The following SIK2 variants were observed in gnomAD, a reference collection of about 807,000 sequenced individuals.
SIK2 encodes the protein salt inducible kinase 2.
In SIK2, 29 loss-of-function variants were observed where a neutral mutation model predicts 103.2. The observed-to-expected ratio is 0.28, with a 90% CI of 0.21 to 0.38. The LOEUF (loss-of-function observed/expected upper bound fraction) is 0.38, where lower values mean the gene tolerates loss of function less well. Ranked by LOEUF, SIK2 falls within the 10% of genes least tolerant of loss-of-function variation. SIK2 has a pLI of 1.00. For missense variants in SIK2, 879 were observed against 1,171.0 expected, an observed-to-expected ratio of 0.75 and a Z score of 3.64; for synonymous variants, 412 against 446.1, an observed-to-expected ratio of 0.92 and a Z score of 0.96.
chr11:111,671,340 C>A, intron 3 of SIK2: 1 of 234,470 alleles, frequency 4.3e-6, no homozygotes, highest in Non-Finnish European at 8.6e-6. Flanking sequence ...CGGCCTCCAG[C>A]TCCACCAGCT....
chr11:111,712,714 T>C (rs1331151908), intron 9 of SIK2, among the ~76,000 whole-genome samples: 1 of 152,224 alleles, frequency 6.6e-6, no homozygotes, highest in Non-Finnish European at 1.5e-5. Context: ...CCTAACAAAT[T>C]AATGCTGAAA....
At chr11:111,667,696 T>TTGGCCAGGC (rs1942565543) in intron 3 of SIK2, among the ~76,000 whole-genome samples, 1 of 152,070 alleles carries the variant, frequency 6.6e-6, no homozygotes, top group South Asian at 2.1e-4. Flanking sequence ...TTTCACCATG[T>TTGGCCAGGC]TGGCCAGGCT....
At chr11:111,656,744 T>A (rs1942396827) in intron 3 of SIK2, among the ~76,000 whole-genome samples, 1 of 152,238 alleles carries the variant, frequency 6.6e-6, no homozygotes, top group African/African-American at 2.4e-5. Context: ...AATTATGCTA[T>A]GGAATTCTTA....
At chr11:111,620,126 G>T (rs563694042) in intron 2 of SIK2, among the ~76,000 whole-genome samples, 1 of 152,248 alleles carries the variant, frequency 6.6e-6, no homozygotes, top group African/African-American at 2.4e-5. Context: ...ACTACTGCTG[G>T]TCCAAGGACC....
At chr11:111,663,355 T>C (rs891481560) in intron 3 of SIK2, among the ~76,000 whole-genome samples, 1 of 152,014 alleles carries the variant, frequency 6.6e-6, no homozygotes, top group African/African-American at 2.4e-5. Context: ...GAAAGCAATG[T>C]GGATATCTAA....
intron 9 of SIK2, among the ~76,000 whole-genome samples, chr11:111,713,146 CAG>C (rs1218529787): frequency 6.6e-6 from 1 of 152,094 alleles, no homozygotes; most frequent in Admixed American, 6.5e-5. Flanking sequence ...GCCTGGGTGA[CAG>C]AGTGAGACTC....
chr11:111,717,991 G>C (rs1943694953), intron 9 of SIK2, among the ~76,000 whole-genome samples: 1 of 152,092 alleles, frequency 6.6e-6, no homozygotes, highest in Admixed American at 6.5e-5. Context: ...GTGATAGGTT[G>C]ACAGGTGCAG....
chr11:111,724,158 G>T lies in SIK2; in HGVS notation c.*29G>T, dbSNP rs761962168. On this transcript the variant is annotated 3_prime_UTR_variant, in exon 15 of 15. Transcript: ENST00000304987. ...CAGCACAGGAATTGAGGTGGGTCAG[G>T]TGAAGGAAGAGTGTATGTTCCTATT... 1 of 1,589,820 alleles carries T rather than the reference G, an allele frequency of 6.3e-7. No homozygotes were observed. The highest frequency in any genetic ancestry group is 1.3e-5 in the African/African-American group (1 of 74,590).
chr11:111,712,657 T>C (rs1943533306), intron 9 of SIK2, among the ~76,000 whole-genome samples: 1 of 152,204 alleles, frequency 6.6e-6, no homozygotes, highest in Non-Finnish European at 1.5e-5. Flanking sequence ...TCTTCAAGTT[T>C]CCAGATCTCT....
At chr11:111,708,331 G>A (rs899198893) in intron 8 of SIK2, among the ~76,000 whole-genome samples, 2 of 152,060 alleles carry the variant, frequency 1.3e-5, no homozygotes, top group African/African-American at 4.8e-5. Context: ...GCAGTGAGCC[G>A]AGATGACACC....
chr11:111,625,304 G>T (rs921217708), intron 3 of SIK2, among the ~76,000 whole-genome samples: 2 of 152,178 alleles, frequency 1.3e-5, no homozygotes, highest in Non-Finnish European at 2.9e-5. Context: ...TGTTGGAGTA[G>T]TTCCAGTGAG....
chr11:111,633,583 TACTA>T (rs1942066684), intron 3 of SIK2, among the ~76,000 whole-genome samples: 1 of 152,162 alleles, frequency 6.6e-6, no homozygotes, highest in Admixed American at 6.6e-5. Flanking sequence ...AACGAGGAAA[TACTA>T]ACTGAATCAA....
intron 3 of SIK2, among the ~76,000 whole-genome samples, chr11:111,655,338 A>AG (rs1427930067): frequency 6.6e-6 from 1 of 152,204 alleles, no homozygotes; most frequent in Non-Finnish European, 1.5e-5. Flanking sequence ...CAGGAGGCGG[A>AG]GGTTGCAGTG....
intron 3 of SIK2, among the ~76,000 whole-genome samples, chr11:111,663,053 C>G (rs1942488274): frequency 6.6e-6 from 1 of 151,590 alleles, no homozygotes; most frequent in Admixed American, 6.6e-5. Flanking sequence ...GGCAACATGG[C>G]AAAACCCCAT....
intron 4 of SIK2, among the ~76,000 whole-genome samples, chr11:111,695,165 A>G (rs1452215713): frequency 6.6e-6 from 1 of 152,194 alleles, no homozygotes; most frequent in Non-Finnish European, 1.5e-5. Context: ...CACTCCTATT[A>G]TAATTACAAA....
At chr11:111,700,126 T>G (rs142752246) in intron 4 of SIK2, among the ~76,000 whole-genome samples, 51 of 152,344 alleles carry the variant, frequency 3.3e-4, no homozygotes, top group African/African-American at 1.2e-3. Flanking sequence ...TTACTAAATT[T>G]TTTAATGCAT....
At chr11:111,631,970 T>G (rs1306356603) in intron 3 of SIK2, among the ~76,000 whole-genome samples, 36 of 152,174 alleles carry the variant, frequency 2.4e-4, no homozygotes, top group Admixed American at 2.4e-3. Flanking sequence ...ATATTGTACC[T>G]CATTCCACAA....
At chr11:111,663,609 T>C (rs6589244) in intron 3 of SIK2, among the ~76,000 whole-genome samples, 97,487 of 151,940 alleles carry the variant, frequency 0.64, 33,356 homozygotes, top group East Asian at 0.96. Flanking sequence ...AGTGGTTACT[T>C]TGACTTCTGT....
At chr11:111,669,680 A>G (rs1357703336) in intron 3 of SIK2, among the ~76,000 whole-genome samples, 4 of 152,146 alleles carry the variant, frequency 2.6e-5, no homozygotes, top group African/African-American at 9.7e-5. Flanking sequence ...TAAACAAGCA[A>G]TTAGGTTGTT....
Sources: gnomAD v4.1 joint callset for allele counts (sites outside exome capture counted in the v4.1 genomes callset) on GRCh38, gnomAD v4.1.1 for gene constraint, MANE v1.5 for transcripts, NCBI Gene and HGNC (gene_info 2026-07-23, HGNC 2026-07-21) for gene names.